Variants in MMD2 observed in about 807,000 individuals in gnomAD.
MMD2 encodes the protein monocyte to macrophage differentiation factor 2.
MMD2 carries 30 observed loss-of-function variants against 33.5 expected under a neutral mutation model. That is an observed-to-expected ratio of 0.90 (90% CI 0.67 to 1.22). MMD2 has a LOEUF of 1.22. Among genes scored for constraint, MMD2 ranks in the 50% most tolerant of loss-of-function variants. The pLI is 0.00. For missense variants in MMD2, 364 were observed against 325.4 expected (o/e 1.12, Z -0.91); for synonymous variants, 129 against 123.0 (o/e 1.05, Z -0.32).
intron 1 of MMD2, among the ~76,000 whole-genome samples, chr7:4,952,146 G>A (rs886641524): frequency 6.6e-6 from 1 of 152,232 alleles, no homozygotes; most frequent in African/African-American, 2.4e-5. Context: ...GGGAACACAA[G>A]AGGGTTTGAA....
At chr7:4,914,200 C>T (rs1005100659) in intron 4 of MMD2, among the ~76,000 whole-genome samples, 9 of 152,132 alleles carry the variant, frequency 5.9e-5, no homozygotes, top group African/African-American at 1.4e-4. Flanking sequence ...TTCTTTCATG[C>T]GTGACCATGG....
chr7:4,939,896 C>A (rs558839003), intron 1 of MMD2, among the ~76,000 whole-genome samples: 4 of 152,068 alleles, frequency 2.6e-5, no homozygotes, highest in Non-Finnish European at 5.9e-5. Context: ...TACAGAACCA[C>A]ACTGGCTAAT....
At chr7:4,919,609 G>A (rs1429160359) in intron 3 of MMD2, among the ~76,000 whole-genome samples, 1 of 152,008 alleles carries the variant, frequency 6.6e-6, no homozygotes, top group African/African-American at 2.4e-5. Context: ...AAGTTGGCCA[G>A]GCACAGTGGC....
At chr7:4,908,436 C>G (rs976278266) in intron 6 of MMD2, among the ~76,000 whole-genome samples, 2 of 152,088 alleles carry the variant, frequency 1.3e-5, no homozygotes, top group African/African-American at 2.4e-5. Context: ...GCCACTGCGC[C>G]TGGCCTATAG....
At chr7:4,931,029 T>G (rs1785572059) in intron 1 of MMD2, among the ~76,000 whole-genome samples, 1 of 152,114 alleles carries the variant, frequency 6.6e-6, no homozygotes. Flanking sequence ...TTTTGTATTT[T>G]TAGTAGAGAT....
At chr7:4,958,933 T>C in intron 1 of MMD2, 38 bp downstream of exon 1, 1 of 1,056,248 alleles carries the variant, frequency 9.5e-7, no homozygotes, top group Non-Finnish European at 1.2e-6. Context: ...CGCGCGCCCC[T>C]CCCTCCCTCC....
At chr7:4,919,496 A>G (rs1785220492) in intron 3 of MMD2, among the ~76,000 whole-genome samples, 1 of 152,052 alleles carries the variant, frequency 6.6e-6, no homozygotes, top group Non-Finnish European at 1.5e-5. Context: ...TGAGCCCTGG[A>G]GGTGGAGGCT....
intron 1 of MMD2, among the ~76,000 whole-genome samples, chr7:4,929,184 A>G (rs1352229617): frequency 2.0e-5 from 3 of 152,064 alleles, no homozygotes; most frequent in Non-Finnish European, 4.4e-5. Context: ...CTGGGACTCC[A>G]TGGTCACGTG....
chr7:4,901,896 G>C (rs146055857), downstream of MMD2, among the ~76,000 whole-genome samples: 14 of 152,344 alleles, frequency 9.2e-5, no homozygotes, highest in East Asian at 2.7e-3. Context: ...CCTGGCATGA[G>C]TATTTACACC....
At chr7:4,939,852 G>A (rs1785855473) in intron 1 of MMD2, among the ~76,000 whole-genome samples, 1 of 151,438 alleles carries the variant, frequency 6.6e-6, no homozygotes, top group Non-Finnish European at 1.5e-5. Context: ...GCAATCTCCT[G>A]CCTCAGCCTC....
the MMD2 span, among the ~76,000 whole-genome samples, chr7:4,893,980 A>G: frequency 3.3e-5 from 5 of 152,156 alleles, no homozygotes; most frequent in Admixed American, 1.3e-4. Context: ...CTGTTTTATC[A>G]GCAAGGTCTT....
intron 2 of MMD2, among the ~76,000 whole-genome samples, chr7:4,923,249 G>A (rs1277326545): frequency 1.3e-5 from 2 of 151,998 alleles, no homozygotes; most frequent in South Asian, 2.1e-4. Flanking sequence ...GATTACAGGC[G>A]CATACTACCA....
intron 1 of MMD2, among the ~76,000 whole-genome samples, chr7:4,945,768 A>G (rs1786058166): frequency 6.8e-6 from 1 of 147,070 alleles, no homozygotes; most frequent in Non-Finnish European, 1.5e-5. Context: ...GGAGATGGGG[A>G]TTCATCATGT....
the MMD2 span, among the ~76,000 whole-genome samples, chr7:4,900,348 G>A: frequency 3.1e-3 from 479 of 152,252 alleles, 3 homozygotes; most frequent in African/African-American, 0.01. Flanking sequence ...ATGTGTGCAC[G>A]TTCATAAGTG....
intron 1 of MMD2, among the ~76,000 whole-genome samples, chr7:4,932,268 G>A (rs747187398): frequency 6.0e-4 from 91 of 152,250 alleles, no homozygotes; most frequent in Middle Eastern, 3.4e-3. Flanking sequence ...ACAGGGCCGT[G>A]GGCAAACGAC....
intron 1 of MMD2, among the ~76,000 whole-genome samples, chr7:4,950,986 T>C (rs1465073756): frequency 6.6e-6 from 1 of 152,138 alleles, no homozygotes; most frequent in Non-Finnish European, 1.5e-5. Context: ...TTGCTGGGAT[T>C]ACAGGCGTGA....
chr7:4,942,096 G>A (rs1785926109), intron 1 of MMD2, among the ~76,000 whole-genome samples: 1 of 151,944 alleles, frequency 6.6e-6, no homozygotes, highest in South Asian at 2.1e-4. Context: ...TGGGACTACA[G>A]GCACGTGCCA....
At chr7:4,920,959 C>T (rs1370652705) in intron 2 of MMD2, among the ~76,000 whole-genome samples, 1 of 152,154 alleles carries the variant, frequency 6.6e-6, no homozygotes, top group Non-Finnish European at 1.5e-5. Context: ...CTCAGGCTAT[C>T]CTCCCACCTT....
At chr7:4,902,815 C>T (rs778747645), downstream of MMD2, among the ~76,000 whole-genome samples, 3 of 152,206 alleles carry the variant, frequency 2.0e-5, no homozygotes, top group Admixed American at 6.5e-5. Context: ...TCTCAGCACT[C>T]GTGGTGCATG....
Sources: allele counts gnomAD v4.1 joint callset (sites outside exome capture counted in the v4.1 genomes callset), GRCh38; gene constraint gnomAD v4.1.1; transcripts MANE v1.5; gene names NCBI Gene and HGNC (gene_info 2026-07-23, HGNC 2026-07-21).